ADAM32: variants seen among roughly 807,000 people sequenced by gnomAD.
ADAM32 encodes disintegrin and metalloproteinase domain-containing protein 32.
In ADAM32, 89 loss-of-function variants were observed where a neutral mutation model predicts 114.9. The ratio of observed to expected loss-of-function variants is 0.77; its 90% CI spans 0.65 to 0.92. The LOEUF (loss-of-function observed/expected upper bound fraction) is 0.92. Among genes scored for constraint, ADAM32 ranks in the 40% least tolerant of loss-of-function variants. ADAM32 has a pLI of 0.00. For synonymous variants in ADAM32, 285 were observed against 307.5 expected, an observed-to-expected ratio of 0.93 and a Z score of 0.77; for missense variants, 870 against 932.8, an observed-to-expected ratio of 0.93 and a Z score of 0.88.
chr8:39,164,315 T>C lies in ADAM32; in HGVS notation c.595-449T>C, dbSNP rs76497623. Among the ~76,000 whole-genome samples the C allele has an allele frequency of 5.4e-3, 824 of 152,338 alleles. 11 individuals carry two copies. The highest frequency in any genetic ancestry group is 0.019 in the African/African-American group (788 of 41,580). On this transcript the variant is annotated intron_variant, in intron 7 of 24. Coordinates refer to ENST00000379907, the MANE Select transcript of ADAM32 (RefSeq NM_145004.7). Reference sequence around the variant, plus strand: ...AGGCAGTTCCATATATCAACATTTGTTTCTTTTTATTGCTGAGTTTATGGT... The same window carrying C: ...AGGCAGTTCCATATATCAACATTTGCTTCTTTTTATTGCTGAGTTTATGGT...
chr8:39,247,139 T>C (rs149621027), intron 17 of ADAM32, among the ~76,000 whole-genome samples: 1 of 152,324 alleles, frequency 6.6e-6, no homozygotes, highest in East Asian at 1.9e-4. Context: ...GTTTGGTAAT[T>C]ACAAATAAAG....
chr8:39,186,761 A>G (rs568753300), intron 10 of ADAM32, 148 bp from the exon 11 acceptor site: 2 of 585,010 alleles, frequency 3.4e-6, no homozygotes, highest in South Asian at 4.4e-5. Context: ...TCATAAGAAG[A>G]GCTTCAGCTT....
chr8:39,280,823 C>T (rs1458582268), intron 22 of ADAM32, among the ~76,000 whole-genome samples: 1 of 151,792 alleles, frequency 6.6e-6, no homozygotes, highest in Non-Finnish European at 1.5e-5. Context: ...TGCTCTGTCT[C>T]CCAGGCTGGA....
intron 13 of ADAM32, among the ~76,000 whole-genome samples, chr8:39,222,787 A>G (rs945427320): frequency 4.6e-5 from 7 of 152,138 alleles, no homozygotes; most frequent in Non-Finnish European, 1.0e-4. Flanking sequence ...TGAGACTACA[A>G]ATAAAACTTT....
At chr8:39,216,094 A>G (rs1016777507) in intron 12 of ADAM32, among the ~76,000 whole-genome samples, 19 of 152,022 alleles carry the variant, frequency 1.2e-4, no homozygotes, top group Non-Finnish European at 1.8e-4. Context: ...TGTTGGGTGC[A>G]TATGTATTTA....
Position 39,211,327 on chromosome 8 carries a change from A to G in ADAM32, c.1233+3A>G. 3.4e-6 allele frequency: 5 copies of G among 1,488,154 alleles called. No individual in the cohort carries two copies. Among genetic ancestry groups the G allele is most frequent in the African/African-American group, 1.4e-5 (1 of 69,626 alleles). 92.2% of individuals were successfully genotyped at this position (1,488,154 alleles called of 1,614,324 possible). ...TCTGTGATTGTGGTACTGAGGCTGT[A>G]AGTATGATAACTAGGAAAATTGATT... is the stretch of plus-strand genomic sequence containing the variant. On this transcript the variant is annotated splice_donor_region_variant and intron_variant, in intron 12 of 24. Coordinates refer to ENST00000379907, the MANE Select transcript of ADAM32 (RefSeq NM_145004.7).
At position 39,164,967 on chromosome 8, in the gene ADAM32, T is replaced by C. The variant is rs539225710; in HGVS notation, c.667-63T>C. On this transcript the variant is annotated intron_variant, in intron 8 of 24. Transcript: ENST00000379907. Reference sequence around the variant, plus strand: ...TGTGGGATTGTAAAAACTTTGAATTTCTGGGTTTTTATAAGATAACATAAA... The same window carrying C: ...TGTGGGATTGTAAAAACTTTGAATTCCTGGGTTTTTATAAGATAACATAAA... 213 of 1,525,060 alleles carry C rather than the reference T, an allele frequency of 1.4e-4. No individual in the cohort carries two copies. In the African/African-American group the frequency reaches 2.7e-3, roughly 20 times the overall value. 94.5% of individuals were successfully genotyped at this position (1,525,060 alleles called of 1,614,324 possible). A position where few individuals can be genotyped will look rare whatever the true frequency, so the allele number is the denominator to read the frequency against.
intron 11 of ADAM32, among the ~76,000 whole-genome samples, chr8:39,195,766 G>A (rs1007411801): frequency 6.6e-6 from 1 of 152,124 alleles, no homozygotes; most frequent in African/African-American, 2.4e-5. Context: ...CTGTTTGTCT[G>A]TTTTTATACC....
At chr8:39,145,813 C>A (rs1803471957) in intron 3 of ADAM32, among the ~76,000 whole-genome samples, 1 of 152,124 alleles carries the variant, frequency 6.6e-6, no homozygotes, top group Non-Finnish European at 1.5e-5. Flanking sequence ...CTCACTGCAG[C>A]CTTGAACTCC....
At position 39,137,893 on chromosome 8, in the gene ADAM32, C is replaced by T. The variant is rs528727645; in HGVS notation, c.200+1175C>T. Among the ~76,000 whole-genome samples the T allele has an allele frequency of 4.5e-4, 68 of 152,026 alleles. 1 individual carries two copies. Among genetic ancestry groups the T allele is most frequent in the Non-Finnish European group, 8.2e-4 (56 of 68,006 alleles). ...AGAAAAAGAATATGGTGGATGATAA[C>T]GCAAAGATCTTTGTGAAGAGTATGA... On this transcript the variant is annotated intron_variant, in intron 3 of 24. Transcript: ENST00000379907.
intron 11 of ADAM32, among the ~76,000 whole-genome samples, chr8:39,187,714 A>C (rs758527932): frequency 3.3e-5 from 5 of 152,178 alleles, no homozygotes; most frequent in African/African-American, 4.8e-5. Context: ...GTTGGAGACC[A>C]AAATATATAT....
intron 11 of ADAM32, among the ~76,000 whole-genome samples, chr8:39,206,715 A>G (rs890602406): frequency 1.3e-5 from 2 of 152,142 alleles, no homozygotes; most frequent in African/African-American, 4.8e-5. Context: ...AGTGCTGGAG[A>G]CACAACTACA....
At chr8:39,173,728 A>G (rs1355608091) in intron 10 of ADAM32, among the ~76,000 whole-genome samples, 1 of 152,102 alleles carries the variant, frequency 6.6e-6, no homozygotes, top group African/African-American at 2.4e-5. Context: ...TTGTCATGAA[A>G]TCTTTTCCCA....
chr8:39,142,701 GA>G (rs1459662992), intron 3 of ADAM32, among the ~76,000 whole-genome samples: 6 of 152,104 alleles, frequency 3.9e-5, no homozygotes, highest in Non-Finnish European at 8.8e-5. Context: ...TCTTCCCGAG[GA>G]ATATCTTTGT....
chr8:39,107,734 G>A lies in ADAM32; in HGVS notation c.-42G>A. 1 of 1,550,088 alleles carries A rather than the reference G, an allele frequency of 6.5e-7. No individual in the cohort carries two copies. The highest frequency in any genetic ancestry group is 8.7e-7 in the Non-Finnish European group (1 of 1,146,578). ...CGTCCCCGCGTCCCTGGCAATTCCCGACTTCCCAACGGCTTCCCGCTGGCA... is the reference window on the plus strand; with the variant it reads ...CGTCCCCGCGTCCCTGGCAATTCCCAACTTCCCAACGGCTTCCCGCTGGCA... On this transcript the variant is annotated 5_prime_UTR_variant, in exon 1 of 25. Transcript: ENST00000379907.
intron 16 of ADAM32, among the ~76,000 whole-genome samples, chr8:39,238,918 G>T (rs7836537): frequency 0.027 from 4,140 of 151,938 alleles, 213 homozygotes; most frequent in African/African-American, 0.094. Context: ...TGAAGTTTGG[G>T]ATTATGTTAA....
rs532095455 is a variant in ADAM32, at chr8:39,127,708, GTCT to G, written c.139-8942_139-8940del. Among the ~76,000 whole-genome samples the G allele has an allele frequency of 2.2e-3, 334 of 152,016 alleles. 4 individuals are homozygous for G. Among genetic ancestry groups the G allele is most frequent in the Middle Eastern group, 0.02 (6 of 294 alleles). ...TCTGCCCTGATTTTGGTTATTTCTTGTCTTCTTCTAGCTTTGGGGTTTGTTTGC... is the reference window on the plus strand; with the variant it reads ...TCTGCCCTGATTTTGGTTATTTCTTGTCTTCTAGCTTTGGGGTTTGTTTGC... On this transcript the variant is annotated intron_variant, in intron 2 of 24. Transcript: ENST00000379907.
At chr8:39,174,816 G>C (rs568462859) in intron 10 of ADAM32, among the ~76,000 whole-genome samples, 13 of 152,044 alleles carry the variant, frequency 8.6e-5, no homozygotes, top group Admixed American at 4.6e-4. Context: ...TTCTATTTAT[G>C]AACATGGAAT....
chr8:39,124,375 A>G (rs1435606537), intron 2 of ADAM32, among the ~76,000 whole-genome samples: 1 of 150,604 alleles, frequency 6.6e-6, no homozygotes, highest in Non-Finnish European at 1.5e-5. Flanking sequence ...TTATGACTGC[A>G]TAGTATTCCA....
Sources: gnomAD v4.1 joint callset for allele counts (sites outside exome capture counted in the v4.1 genomes callset) on GRCh38, gnomAD v4.1.1 for gene constraint, MANE v1.5 for transcripts, NCBI Gene and HGNC (gene_info 2026-07-23, HGNC 2026-07-21) for gene names.